Variants in OSBPL8 observed in about 807,000 individuals in gnomAD.
The protein encoded by OSBPL8 is oxysterol-binding protein-related protein 8.
A neutral mutation model predicts 125.5 loss-of-function variants in OSBPL8; 59 were observed. The observed-to-expected ratio is 0.47, with a 90% CI of 0.38 to 0.58. The LOEUF (loss-of-function observed/expected upper bound fraction) is 0.58. Among genes scored for constraint, OSBPL8 ranks in the 20% least tolerant of loss-of-function variants. The probability of loss-of-function intolerance (pLI) is 0.00; values close to 1 mark genes in which losing one functional copy is unlikely to be tolerated. For synonymous variants in OSBPL8, 330 were observed against 338.9 expected, an observed-to-expected ratio of 0.97 and a Z score of 0.29; for missense variants, 758 against 1,047.8, an observed-to-expected ratio of 0.72 and a Z score of 3.82.
intron 1 of OSBPL8, among the ~76,000 whole-genome samples, chr12:76,526,802 C>A (rs1950193478): frequency 6.6e-6 from 1 of 151,650 alleles, no homozygotes; most frequent in Non-Finnish European, 1.5e-5. Flanking sequence ...AGGCGTGCAC[C>A]ACCATGCCCA....
chr12:76,369,900 C>G, intron 19 of OSBPL8, 78 bp from the exon 20 acceptor site: 1 of 1,299,354 alleles, frequency 7.7e-7, no homozygotes, highest in Non-Finnish European at 1.0e-6. Flanking sequence ...GCCTCAAATC[C>G]CTTGTAGAGA....
chr12:76,464,776 T>C (rs958880251), intron 2 of OSBPL8, among the ~76,000 whole-genome samples: 1 of 152,224 alleles, frequency 6.6e-6, no homozygotes, highest in Non-Finnish European at 1.5e-5. Flanking sequence ...ATCTGACTCA[T>C]GACAAAGAGC....
chr12:76,379,807 T>TA (rs1479459112), intron 15 of OSBPL8, among the ~76,000 whole-genome samples: 2 of 152,230 alleles, frequency 1.3e-5, no homozygotes, highest in Non-Finnish European at 2.9e-5. Context: ...ATGTTGTGTA[T>TA]ACTTAAGAAC....
intron 4 of OSBPL8, among the ~76,000 whole-genome samples, chr12:76,413,844 T>C (rs184884799): frequency 3.3e-5 from 5 of 152,310 alleles, no homozygotes; most frequent in East Asian, 1.9e-4. Flanking sequence ...ATACTAGTCC[T>C]TTGCCAAATG....
chr12:76,390,886 C>A lies in OSBPL8; in HGVS notation c.930-229G>T, dbSNP rs74947510. Among the ~76,000 whole-genome samples, 938 of 152,204 alleles carry A rather than the reference C, an allele frequency of 6.2e-3. 6 individuals are homozygous for A. Among genetic ancestry groups the A allele is most frequent in the Middle Eastern group, 0.037 (11 of 294 alleles). On this transcript the variant is annotated intron_variant, in intron 10 of 23. Transcript: ENST00000261183. ...AACAGAGGCATAGAAAAATTAAAAACCTAGAGAAATGCAAAAAGATGACAC... is the reference window on the plus strand; with the variant it reads ...AACAGAGGCATAGAAAAATTAAAAAACTAGAGAAATGCAAAAAGATGACAC...
intron 16 of OSBPL8, among the ~76,000 whole-genome samples, chr12:76,378,183 C>T (rs1205625913): frequency 6.6e-6 from 1 of 152,126 alleles, no homozygotes; most frequent in Non-Finnish European, 1.5e-5. Context: ...AAAATTTGCA[C>T]ATCAGGCAAG....
chr12:76,556,738 G>A (rs369848761), intron 1 of OSBPL8, among the ~76,000 whole-genome samples: 2 of 152,050 alleles, frequency 1.3e-5, no homozygotes, highest in African/African-American at 4.8e-5. Context: ...ATCTTGGCTC[G>A]TTGCAATCTC....
intron 16 of OSBPL8, among the ~76,000 whole-genome samples, chr12:76,376,945 G>T (rs1952841289): frequency 6.6e-6 from 1 of 152,044 alleles, no homozygotes; most frequent in South Asian, 2.1e-4. Flanking sequence ...CTCCCAATAG[G>T]TCTCAGTGTA....
intron 1 of OSBPL8, among the ~76,000 whole-genome samples, chr12:76,513,749 T>G (rs533405211): frequency 1.6e-4 from 25 of 151,680 alleles, no homozygotes; most frequent in Non-Finnish European, 2.5e-4. Flanking sequence ...CCTGGGTTTT[T>G]TTTTTTTTTT....
In OSBPL8 at chr12:76,369,797, T is replaced by C. The variant is rs781480205; in HGVS notation, c.2080A>G (p.Ile694Val). 4 of 1,613,242 alleles carry C rather than the reference T, an allele frequency of 2.5e-6. No individual in the cohort carries two copies. The highest frequency in any genetic ancestry group is 1.3e-5 in the African/African-American group (1 of 74,884). The change falls in exon 20 of 24, where the codon ATA becomes GTA. Residue 694 changes from isoleucine to valine, a missense_variant. Ile to Val is a conservative substitution (Grantham distance 29). Around this residue, in one of 3 missense-constraint regions of OSBPL8, gnomAD observed 572 missense variants for 762.0 expected, o/e 0.75. Transcript: ENST00000261183. ...EKLWQRVTRA[I>V]NAKDQTEATQ... is the part of the protein sequence containing the mutation. ...GCTTCAGTTTGGTCTTTGGCATTTA[T>C]GGCTCGAGTTACCCGTTGCCAGAGT...
At chr12:76,490,940 T>A (rs958249697) in intron 1 of OSBPL8, among the ~76,000 whole-genome samples, 3 of 152,224 alleles carry the variant, frequency 2.0e-5, no homozygotes, top group Admixed American at 6.5e-5. Flanking sequence ...GCACTCGCTC[T>A]GACTCCTGCA....
chr12:76,361,448 GTCT>G (rs1334981027), intron 21 of OSBPL8, among the ~76,000 whole-genome samples: 5 of 152,126 alleles, frequency 3.3e-5, no homozygotes, highest in African/African-American at 1.2e-4. Context: ...ACATTTTCCT[GTCT>G]TCTTCTGAGC....
rs543516874 is a variant in OSBPL8 at position 76,369,236 on chromosome 12, T to C, written c.2306A>G (p.Lys769Arg). 2.5e-6 allele frequency: 4 copies of C among 1,612,756 alleles called. No homozygotes were observed. The East Asian group carries it at 6.7e-5, about 27-fold the overall frequency. Reference protein sequence around the residue: ...QFEKDGVIQTKVKHRTPMVSV... With the variant: ...QFEKDGVIQTRVKHRTPMVSV... Reference sequence around the variant, plus strand: ...TACCATTGGAGTACGATGTTTCACTTTGGTCTGAATAACACCATCTTTTTC... The same window carrying C: ...TACCATTGGAGTACGATGTTTCACTCTGGTCTGAATAACACCATCTTTTTC... Residue 769 changes from lysine to arginine, a missense_variant, in exon 21 of 24, where the codon AAA becomes AGA. Around this residue, in one of 3 missense-constraint regions of OSBPL8, gnomAD observed 572 missense variants for 762.0 expected, o/e 0.75. Coordinates refer to ENST00000261183, the MANE Select transcript of OSBPL8 (RefSeq NM_020841.5).
intron 15 of OSBPL8, among the ~76,000 whole-genome samples, chr12:76,383,097 AAT>A: frequency 6.6e-6 from 1 of 152,344 alleles, no homozygotes; most frequent in East Asian, 1.9e-4. Context: ...TTCTGGATTT[AAT>A]AGATTCTTTC....
intron 7 of OSBPL8, 138 bp downstream of exon 7, chr12:76,399,735 A>G (rs1565864313): frequency 1.7e-6 from 1 of 577,058 alleles, no homozygotes; most frequent in Admixed American, 3.5e-5. Context: ...CGGGAATACA[A>G]TAATAGTTTC....
chr12:76,370,306 T>C lies in OSBPL8; in HGVS notation c.2055-484A>G, dbSNP rs1472396860. Among the ~76,000 whole-genome samples, 3 of 152,212 alleles carry C rather than the reference T, an allele frequency of 2.0e-5. No individual in the cohort carries two copies. In the East Asian group the frequency reaches 5.8e-4, roughly 29 times the overall value. On this transcript the variant is annotated intron_variant, in intron 19 of 23. Coordinates refer to ENST00000261183, the MANE Select transcript of OSBPL8 (RefSeq NM_020841.5). ...CTCTGGGGTCAGGCGCAAGTATTGA[T>C]ATATTTTTTAAATGTTTCCCCAAAA...
rs1953718405 is a variant in OSBPL8 at position 76,394,687 on chromosome 12, G to T, written c.715C>A (p.Pro239Thr). 6.2e-7 allele frequency: 1 copy of T among 1,612,598 alleles called. No individual in the cohort carries two copies. The highest frequency in any genetic ancestry group is 8.5e-7 in the Non-Finnish European group (1 of 1,179,356). ...EAVGSITQPL[P>T]SSYLIIRATS... ...GCTCGGATGATCAAATAACTGCTAGGTAAGGGTTGAGTAATGGATCCAACC... is the reference window on the plus strand; with the variant it reads ...GCTCGGATGATCAAATAACTGCTAGTTAAGGGTTGAGTAATGGATCCAACC... The change falls in exon 9 of 24, where the codon CCT (proline) becomes ACT (threonine). Residue 239 changes from proline to threonine, a missense_variant. Pro to Thr is a conservative substitution (Grantham distance 38, BLOSUM62 -1). Coordinates refer to ENST00000261183, the MANE Select transcript of OSBPL8 (RefSeq NM_020841.5).
chr12:76,359,160 C>T (rs148617763), intron 21 of OSBPL8, among the ~76,000 whole-genome samples: 3,128 of 152,206 alleles, frequency 0.021, 47 homozygotes, highest in Non-Finnish European at 0.031. Flanking sequence ...TCTGACTGCA[C>T]CAGCTATTAT....
At chr12:76,548,888 GA>G (rs1950859403) in intron 1 of OSBPL8, among the ~76,000 whole-genome samples, 1 of 152,030 alleles carries the variant, frequency 6.6e-6, no homozygotes, top group South Asian at 2.1e-4. Context: ...CATGAAAAAA[GA>G]ATGATTACAA....
Sources: allele counts gnomAD v4.1 joint callset (sites outside exome capture counted in the v4.1 genomes callset), GRCh38; gene constraint gnomAD v4.1.1; regional missense constraint gnomAD v4.1.1; transcripts MANE v1.5; gene names NCBI Gene and HGNC (gene_info 2026-07-23, HGNC 2026-07-21).